The following RIN3 variants were observed in gnomAD, a reference collection of about 807,000 sequenced individuals.
RIN3 encodes the protein RAB5 interacting protein 3.
RIN3 carries 54 observed loss-of-function variants against 76.3 expected under a neutral mutation model. The ratio of observed to expected loss-of-function variants is 0.71; its 90% CI spans 0.57 to 0.89. The LOEUF is 0.89. Ranked by LOEUF, RIN3 falls within the 40% of genes least tolerant of loss-of-function variation. The pLI is 0.00. For missense variants in RIN3, 1,256 were observed against 1,322.1 expected, an observed-to-expected ratio of 0.95 and a Z score of 0.78; for synonymous variants, 576 against 564.0, an observed-to-expected ratio of 1.02 and a Z score of -0.30.
At position 92,513,909 on chromosome 14, in the gene RIN3, C is replaced by A; in HGVS notation, c.-24C>A. 8.0e-7 allele frequency: 1 copy of A among 1,254,392 alleles called. No homozygotes were observed. Among genetic ancestry groups the A allele is most frequent in the Non-Finnish European group, 1.0e-6 (1 of 999,536 alleles). The allele number at this position is 1,254,392 out of a possible 1,614,324, so 77.7% of individuals were successfully genotyped here. A position where few individuals can be genotyped will look rare whatever the true frequency, so the allele number is the denominator to read the frequency against. On this transcript the variant is annotated 5_prime_UTR_variant, in exon 1 of 10. Transcript: ENST00000216487. ...GGCCCGGCGCCTGAGCGCCTCCGTT[C>A]CCCGTCCCGGAGCTGCCGGCGGCAT...
chr14:92,602,470 G>A (rs983483601), intron 3 of RIN3, among the ~76,000 whole-genome samples: 9 of 152,176 alleles, frequency 5.9e-5, no homozygotes, highest in Non-Finnish European at 1.2e-4. Context: ...ATACTGGCTG[G>A]CGGGCCATGG....
At chr14:92,595,015 C>A (rs1885105455) in intron 3 of RIN3, among the ~76,000 whole-genome samples, 1 of 152,202 alleles carries the variant, frequency 6.6e-6, no homozygotes, top group African/African-American at 2.4e-5. Context: ...TACCTAAAAT[C>A]TGACAGAAAT....
intron 1 of RIN3, among the ~76,000 whole-genome samples, chr14:92,548,327 A>G (rs737522): frequency 0.28 from 42,208 of 151,922 alleles, 6,486 homozygotes; most frequent in Middle Eastern, 0.4. Context: ...TCTGCCACTT[A>G]TTGGCATGTG....
chr14:92,583,563 AAAG>A (rs1369359127), intron 3 of RIN3, among the ~76,000 whole-genome samples: 1 of 152,268 alleles, frequency 6.6e-6, no homozygotes. Context: ...TCAAAGAAAA[AAAG>A]ATGAAAAATA....
chr14:92,551,389 T>C (rs1179314334), intron 1 of RIN3, among the ~76,000 whole-genome samples: 3 of 152,180 alleles, frequency 2.0e-5, no homozygotes, highest in Non-Finnish European at 2.9e-5. Context: ...TATTGAGCTA[T>C]TAGGAGGAGA....
chr14:92,582,366 T>C (rs751355423), intron 3 of RIN3, among the ~76,000 whole-genome samples: 10 of 152,174 alleles, frequency 6.6e-5, no homozygotes, highest in Non-Finnish European at 1.3e-4. Flanking sequence ...CCATCATCGT[T>C]CATGTGCATT....
intron 9 of RIN3, 34 bp from the exon 10 acceptor site, chr14:92,687,892 C>T (rs1309941072): frequency 6.7e-7 from 1 of 1,503,722 alleles, no homozygotes; most frequent in Non-Finnish European, 8.9e-7. Flanking sequence ...AGACAGGGCC[C>T]CGCCGTGACC....
At chr14:92,573,816 G>A (rs997275362) in intron 2 of RIN3, among the ~76,000 whole-genome samples, 6 of 152,196 alleles carry the variant, frequency 3.9e-5, no homozygotes, top group African/African-American at 1.4e-4. Flanking sequence ...CCTCCATAGA[G>A]GCAAAGCAAC....
intron 3 of RIN3, among the ~76,000 whole-genome samples, chr14:92,601,864 T>C (rs1885357884): frequency 6.6e-6 from 1 of 152,244 alleles, no homozygotes; most frequent in Admixed American, 6.5e-5. Context: ...TGTTTTGGCA[T>C]CTGAACCTAT....
At chr14:92,593,797 C>T (rs562049421) in intron 3 of RIN3, among the ~76,000 whole-genome samples, 56 of 152,244 alleles carry the variant, frequency 3.7e-4, no homozygotes, top group Non-Finnish European at 6.5e-4. Flanking sequence ...GAGCAGTACT[C>T]CAAGAAGATC....
At chr14:92,642,397 C>G (rs1887048360) in intron 5 of RIN3, among the ~76,000 whole-genome samples, 2 of 152,068 alleles carry the variant, frequency 1.3e-5, no homozygotes, top group South Asian at 4.1e-4. Context: ...GCGCCCGGCC[C>G]TGAGAATTTC....
At chr14:92,593,879 C>A (rs898609781) in intron 3 of RIN3, among the ~76,000 whole-genome samples, 1 of 152,070 alleles carries the variant, frequency 6.6e-6, no homozygotes, top group Non-Finnish European at 1.5e-5. Flanking sequence ...GATGGAACTA[C>A]AAGGAGAAAT....
chr14:92,602,695 C>T (rs906081507), intron 3 of RIN3, among the ~76,000 whole-genome samples: 90 of 152,282 alleles, frequency 5.9e-4, no homozygotes, highest in African/African-American at 1.9e-3. Context: ...CTCGAATTTA[C>T]GCAAAGCCCA....
At chr14:92,602,926 C>T (rs1008211362) in intron 3 of RIN3, among the ~76,000 whole-genome samples, 1 of 152,198 alleles carries the variant, frequency 6.6e-6, no homozygotes, top group Non-Finnish European at 1.5e-5. Flanking sequence ...TTCAGTGGTT[C>T]CCTGTCCAGG....
chr14:92,579,456 A>G (rs992796747), intron 3 of RIN3, among the ~76,000 whole-genome samples: 11 of 152,194 alleles, frequency 7.2e-5, no homozygotes, highest in African/African-American at 2.7e-4. Flanking sequence ...GATCTCTTTC[A>G]CTGTCATCAT....
intron 6 of RIN3, among the ~76,000 whole-genome samples, chr14:92,653,646 A>G (rs944269712): frequency 6.6e-6 from 1 of 152,128 alleles, no homozygotes; most frequent in African/African-American, 2.4e-5. Context: ...CCAGCCTCGA[A>G]TCCAATAATT....
chr14:92,555,750 G>A lies in RIN3; in HGVS notation c.45-1G>A. 1.2e-6 allele frequency: 2 copies of A among 1,614,126 alleles called. No individual in the cohort carries two copies. The highest frequency in any genetic ancestry group is 1.7e-6 in the Non-Finnish European group (2 of 1,180,010). On this transcript the variant is annotated splice_acceptor_variant, in intron 1 of 9. Transcript: ENST00000216487. LOFTEE classifies it high-confidence loss of function. The stretch of plus-strand genomic sequence containing the variant: ...GCTGATCATTGAATTCTGTTTTTCA[G>A]TCCGGTTCCAGTTGTTGGCAAAGGA...
At chr14:92,581,150 G>A (rs1754996305) in intron 3 of RIN3, among the ~76,000 whole-genome samples, 1 of 152,228 alleles carries the variant, frequency 6.6e-6, no homozygotes, top group Non-Finnish European at 1.5e-5. Flanking sequence ...TGTTCTCCAA[G>A]AACCAGAGTC....
At chr14:92,635,028 C>G (rs895755014) in intron 4 of RIN3, among the ~76,000 whole-genome samples, 2 of 152,174 alleles carry the variant, frequency 1.3e-5, no homozygotes, top group Non-Finnish European at 2.9e-5. Context: ...TCACAAGTGT[C>G]TAGTTCCCTT....
Sources: gnomAD v4.1 joint callset for allele counts (sites outside exome capture counted in the v4.1 genomes callset) on GRCh38, gnomAD v4.1.1 for gene constraint, MANE v1.5 for transcripts, NCBI Gene and HGNC (gene_info 2026-07-23, HGNC 2026-07-21) for gene names.